Variants in PIK3CB observed in about 807,000 individuals in gnomAD.
PIK3CB encodes phosphatidylinositol 4,5-bisphosphate 3-kinase catalytic subunit beta isoform.
In PIK3CB, 39 loss-of-function variants were observed where a neutral mutation model predicts 136.8. The observed-to-expected ratio is 0.29, with a 90% confidence interval of 0.22 to 0.37. PIK3CB has a LOEUF of 0.37. Among genes scored for constraint, PIK3CB ranks in the 10% least tolerant of loss-of-function variants. The probability of loss-of-function intolerance (pLI) is 1.00; values close to 1 mark genes in which losing one functional copy is unlikely to be tolerated. For missense variants in PIK3CB, 868 were observed against 1,275.4 expected (o/e 0.68, Z 4.87); for synonymous variants, 428 against 436.6 (o/e 0.98, Z 0.25).
At chr3:138,712,036 G>C (rs1204849957) in intron 10 of PIK3CB, among the ~76,000 whole-genome samples, 172 bp downstream of exon 10, 4 of 151,882 alleles carry the variant, frequency 2.6e-5, no homozygotes, top group Non-Finnish European at 4.4e-5. Flanking sequence ...TCAGAAACAA[G>C]TAATTTTATG....
chr3:138,758,095 A>C (rs1189083025), intron 3 of PIK3CB, among the ~76,000 whole-genome samples: 3 of 152,252 alleles, frequency 2.0e-5, no homozygotes, highest in Non-Finnish European at 4.4e-5. Context: ...GAATGAAACT[A>C]GGATATATGC....
At chr3:138,817,963 G>A (rs1300900330) in intron 1 of PIK3CB, among the ~76,000 whole-genome samples, 3 of 151,994 alleles carry the variant, frequency 2.0e-5, no homozygotes, top group African/African-American at 7.2e-5. Flanking sequence ...CTCTAATAAG[G>A]AAAACAAAAG....
At chr3:138,786,068 A>T (rs1384925385) in intron 2 of PIK3CB, among the ~76,000 whole-genome samples, 3 of 152,130 alleles carry the variant, frequency 2.0e-5, no homozygotes, top group Non-Finnish European at 4.4e-5. Flanking sequence ...CATTTACTGG[A>T]GTATATGAAG....
chr3:138,737,835 C>T lies in PIK3CB; in HGVS notation c.673G>A (p.Glu225Lys), dbSNP rs1211215558. Residue 225 changes from glutamate (E) to lysine (K), a missense_variant, in exon 6 of 24, where the codon GAA becomes AAA. Physicochemically the swap from Glu to Lys is moderately conservative, Grantham distance 56 (BLOSUM62 1). Transcript: ENST00000674063. ...SPNMNPIKVN[E>K]LAIQKRLTIH... is the part of the protein sequence containing the mutation. ...GTCAAACGTTTTTGGATTGCCAATT[C>T]ATTTACTTTGATAGGATTCATATTA... is the stretch of plus-strand genomic sequence containing the variant. 1 of 1,609,314 alleles carries T rather than the reference C, an allele frequency of 6.2e-7. No individual in the cohort carries two copies.
At chr3:138,688,193 G>A (rs184034395) in intron 16 of PIK3CB, among the ~76,000 whole-genome samples, 2 of 152,116 alleles carry the variant, frequency 1.3e-5, no homozygotes, top group Non-Finnish European at 2.9e-5. Context: ...TGGAAATTAG[G>A]AATCTGATAT....
chr3:138,655,285 C>A lies in PIK3CB; in HGVS notation c.*104G>T. The A allele has an allele frequency of 8.7e-7, 1 of 1,144,074 alleles. No homozygotes were observed. Among genetic ancestry groups the A allele is most frequent in the South Asian group, 1.4e-5 (1 of 69,962 alleles). 70.9% of individuals were successfully genotyped at this position (1,144,074 alleles called of 1,614,324 possible). A position where few individuals can be genotyped will look rare whatever the true frequency, so the allele number is the denominator to read the frequency against. On this transcript the variant is annotated 3_prime_UTR_variant, in exon 24 of 24. Coordinates refer to ENST00000674063, the MANE Select transcript of PIK3CB (RefSeq NM_006219.3). The stretch of plus-strand genomic sequence containing the variant: ...AATTTAACTCTGAGTTCCAGGATTT[C>A]ATTCCCTTTATAACATCTCTAACAG...
intron 8 of PIK3CB, among the ~76,000 whole-genome samples, chr3:138,728,220 T>C (rs964780391): frequency 2.0e-5 from 3 of 152,156 alleles, no homozygotes; most frequent in African/African-American, 2.4e-5. Flanking sequence ...CCAGTCCAAC[T>C]GGTATTTTCT....
At chr3:138,805,481 T>C (rs2046223605) in intron 1 of PIK3CB, among the ~76,000 whole-genome samples, 1 of 151,414 alleles carries the variant, frequency 6.6e-6, no homozygotes, top group Admixed American at 6.6e-5. Context: ...CCATCCTGGC[T>C]AACACGGTGA....
intron 8 of PIK3CB, among the ~76,000 whole-genome samples, chr3:138,730,406 G>A (rs998467340): frequency 6.6e-6 from 1 of 152,090 alleles, no homozygotes; most frequent in Non-Finnish European, 1.5e-5. Context: ...ATTAAGTAAA[G>A]GGCTGCAGAG....
chr3:138,789,352 A>G (rs1410774644), intron 2 of PIK3CB, among the ~76,000 whole-genome samples: 1 of 151,852 alleles, frequency 6.6e-6, no homozygotes, highest in East Asian at 2.0e-4. Flanking sequence ...CCAGCTACTC[A>G]GGAGGCTGAG....
intron 1 of PIK3CB, among the ~76,000 whole-genome samples, chr3:138,808,301 CA>C (rs1010974064): frequency 6.6e-6 from 1 of 151,888 alleles, no homozygotes; most frequent in Non-Finnish European, 1.5e-5. Flanking sequence ...AAAAGAAGTG[CA>C]AAAAACAACC....
At chr3:138,778,107 T>C in intron 2 of PIK3CB, 1 of 363,952 alleles carries the variant, frequency 2.7e-6, no homozygotes, top group Admixed American at 3.5e-5. Flanking sequence ...ACAATTACAT[T>C]GTGGAGACCA....
intron 8 of PIK3CB, among the ~76,000 whole-genome samples, chr3:138,719,740 A>ATC (rs1317802615): frequency 6.6e-6 from 1 of 152,156 alleles, no homozygotes; most frequent in East Asian, 1.9e-4. Flanking sequence ...GCTCTGTATC[A>ATC]TCTCCAGAGA....
chr3:138,707,387 A>G, intron 10 of PIK3CB, 98 bp from the exon 11 acceptor site: 1 of 1,448,338 alleles, frequency 6.9e-7, no homozygotes, highest in Non-Finnish European at 9.0e-7. Context: ...TCACCTTAGA[A>G]GTATGTCAAC....
intron 1 of PIK3CB, among the ~76,000 whole-genome samples, chr3:138,830,953 A>AT (rs60533838): frequency 2.5e-4 from 36 of 144,950 alleles, no homozygotes; most frequent in African/African-American, 7.4e-4. Flanking sequence ...AATAATAATA[A>AT]AGCAGGAACT....
chr3:138,741,189 C>A (rs971480328), intron 5 of PIK3CB, among the ~76,000 whole-genome samples: 5 of 152,124 alleles, frequency 3.3e-5, no homozygotes, highest in African/African-American at 9.7e-5. Flanking sequence ...TCACATCTGT[C>A]CTAACAAATA....
rs373821259 is a variant in PIK3CB, at chr3:138,699,479, C to T, written c.1582-384G>A. ...TAGCCTGGGCAACGTGGTGAAAACC[C>T]GTCTTTACAAAAAATACAAAATACA... is the stretch of plus-strand genomic sequence containing the variant. On this transcript the variant is annotated intron_variant, in intron 12 of 23. Coordinates refer to ENST00000674063, the MANE Select transcript of PIK3CB (RefSeq NM_006219.3). Among the ~76,000 whole-genome samples the T allele has an allele frequency of 1.4e-3, 219 of 151,426 alleles. 8 individuals carry two copies. In the South Asian group the frequency reaches 0.044, roughly 30 times the overall value.
chr3:138,671,226 G>A (rs1227340146), intron 19 of PIK3CB, among the ~76,000 whole-genome samples: 1 of 152,104 alleles, frequency 6.6e-6, no homozygotes, highest in Admixed American at 6.5e-5. Flanking sequence ...AAGCCTATAC[G>A]ATATTACTTA....
chr3:138,777,952 G>T, intron 2 of PIK3CB: 1 of 315,488 alleles, frequency 3.2e-6, no homozygotes. Context: ...TCAACTACAC[G>T]GTCTATATGT....
Sources: allele counts gnomAD v4.1 joint callset (sites outside exome capture counted in the v4.1 genomes callset), GRCh38; gene constraint gnomAD v4.1.1; transcripts MANE v1.5; gene names NCBI Gene and HGNC (gene_info 2026-07-23, HGNC 2026-07-21).